SORCS3: variants seen among roughly 807,000 people sequenced by gnomAD.
SORCS3 encodes sortilin related VPS10 domain containing receptor 3, also known as VPS10 domain-containing receptor SorCS3.
A neutral mutation model predicts 146.3 loss-of-function variants in SORCS3; 57 were observed. The ratio of observed to expected loss-of-function variants is 0.39; its 90% CI spans 0.31 to 0.49. The LOEUF is 0.49. SORCS3 is among the 20% of genes least tolerant of loss of function. The pLI, the probability that SORCS3 is intolerant of heterozygous loss-of-function variation, is 0.92. For synonymous variants in SORCS3, 653 were observed against 618.5 expected (o/e 1.06, Z -0.83); for missense variants, 1,341 against 1,575.5 (o/e 0.85, Z 2.52).
intron 17 of SORCS3, among the ~76,000 whole-genome samples, chr10:105,212,288 T>C (rs753202429): frequency 2.0e-5 from 3 of 152,200 alleles, no homozygotes; most frequent in Non-Finnish European, 2.9e-5. Flanking sequence ...GGCTCAAGGA[T>C]CTTTGCTGTT....
chr10:104,844,091 T>A (rs2018177245), intron 2 of SORCS3, among the ~76,000 whole-genome samples: 1 of 152,110 alleles, frequency 6.6e-6, no homozygotes, highest in Non-Finnish European at 1.5e-5. Context: ...TATTTAGGGG[T>A]TAATTGCTCA....
intron 1 of SORCS3, among the ~76,000 whole-genome samples, chr10:104,651,743 C>A (rs1006326223): frequency 8.5e-5 from 13 of 152,104 alleles, no homozygotes; most frequent in Admixed American, 2.6e-4. Flanking sequence ...ATTTGGAGAT[C>A]TGTTGGTACT....
intron 13 of SORCS3, among the ~76,000 whole-genome samples, chr10:105,174,902 G>C (rs188999123): frequency 1.5e-3 from 222 of 152,186 alleles, no homozygotes; most frequent in African/African-American, 5.2e-3. Context: ...CTCCGTGTCG[G>C]CTCTCTGTGT....
chr10:104,795,379 T>C (rs997768959), intron 1 of SORCS3, among the ~76,000 whole-genome samples: 2 of 152,258 alleles, frequency 1.3e-5, no homozygotes, highest in South Asian at 2.1e-4. Context: ...TGTAAAGTTC[T>C]TCATAGAATA....
chr10:104,939,825 T>C (rs1051924944), intron 3 of SORCS3, among the ~76,000 whole-genome samples: 5 of 152,124 alleles, frequency 3.3e-5, no homozygotes, highest in Admixed American at 1.3e-4. Flanking sequence ...AATCTTTCCA[T>C]TGAAAAATGA....
intron 1 of SORCS3, among the ~76,000 whole-genome samples, chr10:104,683,571 G>A (rs2016005091): frequency 6.6e-6 from 1 of 152,220 alleles, no homozygotes; most frequent in African/African-American, 2.4e-5. Flanking sequence ...ATGCTATCAT[G>A]ATGGCTCATT....
intron 2 of SORCS3, among the ~76,000 whole-genome samples, chr10:104,888,682 C>A (rs1339948054): frequency 6.6e-6 from 1 of 152,064 alleles, no homozygotes. Flanking sequence ...GACAGGACAC[C>A]AATCAATCAC....
intron 5 of SORCS3, among the ~76,000 whole-genome samples, chr10:105,079,255 A>G (rs575743110): frequency 6.6e-6 from 1 of 152,230 alleles, no homozygotes; most frequent in Non-Finnish European, 1.5e-5. Flanking sequence ...CAGACCAATT[A>G]CTCCAGGATT....
intron 1 of SORCS3, among the ~76,000 whole-genome samples, chr10:104,662,521 C>T (rs2015715342): frequency 6.6e-6 from 1 of 152,284 alleles, no homozygotes; most frequent in Admixed American, 6.5e-5. Context: ...TTGAGAGCTC[C>T]TTACTTGATG....
chr10:104,820,393 A>C (rs1034818694), intron 1 of SORCS3, among the ~76,000 whole-genome samples: 2 of 152,240 alleles, frequency 1.3e-5, no homozygotes, highest in Non-Finnish European at 2.9e-5. Context: ...CATTTATCCT[A>C]TAAATATTTA....
At chr10:104,648,763 T>C (rs2015525590) in intron 1 of SORCS3, among the ~76,000 whole-genome samples, 1 of 152,236 alleles carries the variant, frequency 6.6e-6, no homozygotes, top group Admixed American at 6.5e-5. Flanking sequence ...GAAATACTGT[T>C]GTTTATAGTA....
intron 3 of SORCS3, among the ~76,000 whole-genome samples, chr10:104,972,681 G>GTC (rs2054867856): frequency 6.6e-6 from 1 of 151,934 alleles, no homozygotes; most frequent in African/African-American, 2.4e-5. Flanking sequence ...CTGTCCCAAG[G>GTC]ACAGGAGACA....
chr10:104,681,150 C>G (rs17184053), intron 1 of SORCS3, among the ~76,000 whole-genome samples: 11,068 of 152,294 alleles, frequency 0.073, 556 homozygotes, highest in Middle Eastern at 0.099. Flanking sequence ...TTATTTGCAG[C>G]GCAGGCATGG....
chr10:104,892,083 C>T (rs80173023), intron 2 of SORCS3, among the ~76,000 whole-genome samples: 1,731 of 152,290 alleles, frequency 0.011, 40 homozygotes, highest in African/African-American at 0.039. Context: ...AGTTTTACAA[C>T]TTTATACTGC....
chr10:104,922,364 G>A (rs1222392269), intron 3 of SORCS3, among the ~76,000 whole-genome samples: 1 of 152,160 alleles, frequency 6.6e-6, no homozygotes, highest in Non-Finnish European at 1.5e-5. Flanking sequence ...TTTGAGGGAG[G>A]GAGTTTCCTG....
intron 1 of SORCS3, among the ~76,000 whole-genome samples, chr10:104,679,108 A>G (rs1307304315): frequency 6.6e-6 from 1 of 152,224 alleles, no homozygotes; most frequent in Non-Finnish European, 1.5e-5. Context: ...AGTTTCTTGC[A>G]CCATAAAGAG....
At chr10:105,167,978 A>G (rs1455592289) in intron 13 of SORCS3, among the ~76,000 whole-genome samples, 1 of 152,170 alleles carries the variant, frequency 6.6e-6, no homozygotes, top group Non-Finnish European at 1.5e-5. Flanking sequence ...GAAATGGCCA[A>G]AATATAGAAA....
At chr10:104,757,467 AGAGCAGTCTCC>A (rs2017067858) in intron 1 of SORCS3, among the ~76,000 whole-genome samples, 5 of 152,214 alleles carry the variant, frequency 3.3e-5, no homozygotes, top group African/African-American at 1.2e-4. Context: ...GTACAACAGC[AGAGCAGTCTCC>A]CTGTGTGCCA....
intron 4 of SORCS3, among the ~76,000 whole-genome samples, chr10:104,991,655 C>A (rs888042642): frequency 1.3e-5 from 2 of 152,054 alleles, no homozygotes; most frequent in African/African-American, 4.8e-5. Flanking sequence ...GTGCGTGCCA[C>A]CATACCCAGC....
Sources: allele counts gnomAD v4.1 joint callset (sites outside exome capture counted in the v4.1 genomes callset), GRCh38; gene constraint gnomAD v4.1.1; transcripts MANE v1.5; gene names NCBI Gene and HGNC (gene_info 2026-07-23, HGNC 2026-07-21).